PKP2: variants seen among roughly 807,000 people sequenced by gnomAD.
PKP2 encodes plakophilin-2.
In PKP2, 73 loss-of-function variants were observed where a neutral mutation model predicts 83.4. The ratio of observed to expected loss-of-function variants is 0.88; its 90% CI spans 0.72 to 1.06. The LOEUF (loss-of-function observed/expected upper bound fraction) is 1.06, where lower values mean the gene tolerates loss of function less well. Among genes scored for constraint, PKP2 ranks in the 50% least tolerant of loss-of-function variants. The pLI is 0.00. For synonymous variants in PKP2, 409 were observed against 430.4 expected (o/e 0.95, Z 0.62); for missense variants, 966 against 1,065.4 (o/e 0.91, Z 1.30).
intron 6 of PKP2, among the ~76,000 whole-genome samples, chr12:32,840,027 C>T (rs1281873415): frequency 1.3e-5 from 2 of 152,226 alleles, no homozygotes; most frequent in South Asian, 2.1e-4. Flanking sequence ...TCCCGCAGCA[C>T]TTCACTTGCA....
chr12:32,850,685 A>C (rs774362256), intron 5 of PKP2, 81 bp downstream of exon 5: 26 of 1,064,090 alleles, frequency 2.4e-5, no homozygotes, highest in Non-Finnish European at 3.5e-5. Context: ...TTGCTCCAGG[A>C]AACTTAAGAA....
chr12:32,851,028 C>A, intron 4 of PKP2, 55 bp from the exon 5 acceptor site: 1 of 1,400,066 alleles, frequency 7.1e-7, no homozygotes, highest in East Asian at 2.3e-5. Context: ...GGCATCAAGG[C>A]ATTCAATGTA....
intron 3 of PKP2, among the ~76,000 whole-genome samples, chr12:32,871,611 AC>A (rs776477934): frequency 8.6e-5 from 13 of 151,906 alleles, no homozygotes; most frequent in Non-Finnish European, 1.5e-4. Flanking sequence ...GATTACAAGC[AC>A]CCACCACCAC....
At chr12:32,880,786 T>A (rs1415977569) in intron 1 of PKP2, among the ~76,000 whole-genome samples, 1 of 51,752 alleles carries the variant, frequency 1.9e-5, no homozygotes, top group Non-Finnish European at 5.1e-5. Flanking sequence ...TTCTCTCAGC[T>A]TTTTTTGAGT....
intron 9 of PKP2, among the ~76,000 whole-genome samples, chr12:32,804,726 T>C (rs1956213324): frequency 6.6e-6 from 1 of 152,240 alleles, no homozygotes; most frequent in Non-Finnish European, 1.5e-5. Flanking sequence ...GTTGATTCCA[T>C]GTCTTTGCTA....
chr12:32,889,806 T>A (rs1247328929), intron 1 of PKP2, among the ~76,000 whole-genome samples: 1 of 152,014 alleles, frequency 6.6e-6, no homozygotes, highest in Non-Finnish European at 1.5e-5. Context: ...TTGGGCCAGG[T>A]GCAGTGGCTC....
chr12:32,824,252 G>A (rs1269879090), intron 6 of PKP2, 90 bp from the exon 7 acceptor site: 2 of 939,454 alleles, frequency 2.1e-6, no homozygotes, highest in Non-Finnish European at 3.5e-6. Flanking sequence ...GCTTCTTCCA[G>A]GTGTTTGGAA....
At chr12:32,834,912 T>C (rs1051745802) in intron 6 of PKP2, among the ~76,000 whole-genome samples, 1 of 146,116 alleles carries the variant, frequency 6.8e-6, no homozygotes, top group African/African-American at 2.6e-5. Flanking sequence ...CCCTAGGAAC[T>C]GATACTATGA....
rs953335357 is a variant in PKP2, at chr12:32,874,865, G to C, written c.1034+2981C>G. On this transcript the variant is annotated intron_variant, in intron 3 of 12. Transcript: ENST00000340811. ...AAGCAATCCTCCCACTTCAGCCTCC[G>C]GAGTAGCTGGGACCACAGGTGGGCA... Among the ~76,000 whole-genome samples the C allele has an allele frequency of 2.0e-5, 3 of 151,884 alleles. No homozygotes were observed. The South Asian group carries it at 6.3e-4, about 32-fold the overall frequency.
chr12:32,890,736 A>G (rs959580263), intron 1 of PKP2, among the ~76,000 whole-genome samples: 2 of 152,140 alleles, frequency 1.3e-5, no homozygotes, highest in Admixed American at 1.3e-4. Flanking sequence ...AGGTGGGCGG[A>G]TCACCTGAGG....
At chr12:32,875,671 T>G (rs185437732) in intron 3 of PKP2, among the ~76,000 whole-genome samples, 12 of 151,862 alleles carry the variant, frequency 7.9e-5, no homozygotes, top group Admixed American at 7.9e-4. Flanking sequence ...GTAATGGAAA[T>G]GGAAAGAAGG....
chr12:32,884,856 T>C (rs7979825), intron 1 of PKP2, among the ~76,000 whole-genome samples: 142,297 of 151,582 alleles, frequency 0.94, 67,096 homozygotes, highest in Non-Finnish European at 0.99. Flanking sequence ...GATTGACCCG[T>C]CACTGAGGAG....
rs2137725919 is a variant in PKP2, at chr12:32,802,554, C to T, written c.2016G>A (p.Met672Ile). ...CAACTGTCTGAGCCACTGATGTCGG[C>T]ATCTGTTTTGTGAGACATATCCTAT... is the stretch of plus-strand genomic sequence containing the variant. ...LQNLTAGSGP[M>I]PTSVAQTVVQ... is the part of the protein sequence containing the mutation. Residue 672 changes from methionine (M) to isoleucine (I), a missense_variant and splice_region_variant, in exon 10 of 13, where the codon ATG (methionine) becomes ATA (isoleucine). Coordinates refer to ENST00000340811, the MANE Select transcript of PKP2 (RefSeq NM_001005242.3). 6.2e-7 allele frequency: 1 copy of T among 1,613,910 alleles called. No individual in the cohort carries two copies. The highest frequency in any genetic ancestry group is 8.5e-7 in the Non-Finnish European group (1 of 1,179,818).
rs1956994038 is a variant in PKP2 at position 32,882,349 on chromosome 12, A to AC, written c.224-3318_224-3317insG. Among the ~76,000 whole-genome samples the AC allele has an allele frequency of 5.3e-5, 8 of 152,298 alleles. No homozygotes were observed. The South Asian group carries it at 1.7e-3, about 32-fold the overall frequency. The stretch of plus-strand genomic sequence containing the variant: ...GCAGGTGATGAAAGCAGGCAATTTT[A>AC]GGAATTCAAGAAAAACTCTGTAAAT... On this transcript the variant is annotated intron_variant, in intron 1 of 12. Transcript: ENST00000340811.
At chr12:32,822,320 T>A (rs1477944579) in intron 8 of PKP2, 147 bp downstream of exon 8, 3 of 705,168 alleles carry the variant, frequency 4.3e-6, no homozygotes, top group Non-Finnish European at 7.5e-6. Flanking sequence ...GTATTAATAA[T>A]ACACACTTCA....
At chr12:32,882,242 A>G (rs1290547311) in intron 1 of PKP2, among the ~76,000 whole-genome samples, 1 of 152,218 alleles carries the variant, frequency 6.6e-6, no homozygotes, top group Non-Finnish European at 1.5e-5. Flanking sequence ...AAAGTCAGGG[A>G]CAATCTAGAA....
At chr12:32,806,729 T>C (rs1592731300) in intron 9 of PKP2, among the ~76,000 whole-genome samples, 2 of 152,128 alleles carry the variant, frequency 1.3e-5, no homozygotes, top group South Asian at 4.2e-4. Context: ...AGTTCCACTC[T>C]GATCTTGGCT....
chr12:32,825,463 G>A (rs1289553773), intron 6 of PKP2, among the ~76,000 whole-genome samples: 1 of 152,070 alleles, frequency 6.6e-6, no homozygotes, highest in Admixed American at 6.6e-5. Flanking sequence ...GAGCTACCAC[G>A]CCTGGCCCAG....
At position 32,881,924 on chromosome 12, in the gene PKP2, G is replaced by C. The variant is rs1322365825; in HGVS notation, c.224-2892C>G. Among the ~76,000 whole-genome samples the C allele has an allele frequency of 7.2e-5, 11 of 152,330 alleles. 1 individual carries two copies. The South Asian group carries it at 2.3e-3, about 32-fold the overall frequency. On this transcript the variant is annotated intron_variant, in intron 1 of 12. Coordinates refer to ENST00000340811, the MANE Select transcript of PKP2 (RefSeq NM_001005242.3). ...GCCTGCAAGGGCCAGGCTGCTGTGGGAAAGGAGGCTAGCAGGCCAGGTACA... is the reference window on the plus strand; with the variant it reads ...GCCTGCAAGGGCCAGGCTGCTGTGGCAAAGGAGGCTAGCAGGCCAGGTACA...
Sources: allele counts gnomAD v4.1 joint callset (sites outside exome capture counted in the v4.1 genomes callset), GRCh38; gene constraint gnomAD v4.1.1; transcripts MANE v1.5; gene names NCBI Gene and HGNC (gene_info 2026-07-23, HGNC 2026-07-21).